ITPR2: variants seen among roughly 807,000 people sequenced by gnomAD.
The protein encoded by ITPR2 is inositol 1,4,5-trisphosphate receptor type 2.
Under a neutral mutation model 317.1 loss-of-function variants are expected in ITPR2, and 207 were observed. The ratio of observed to expected loss-of-function variants is 0.65; its 90% CI spans 0.58 to 0.73. The LOEUF (loss-of-function observed/expected upper bound fraction) is 0.73, where lower values mean the gene tolerates loss of function less well. Among genes scored for constraint, ITPR2 ranks in the 30% least tolerant of loss-of-function variants. The probability of loss-of-function intolerance (pLI) is 0.00; values close to 1 mark genes in which losing one functional copy is unlikely to be tolerated. For synonymous variants in ITPR2, 1,156 were observed against 1,149.1 expected (o/e 1.01, Z -0.12); for missense variants, 2,613 against 3,284.0 (o/e 0.80, Z 4.99).
At chr12:26,639,578 T>A (rs1436277340) in intron 21 of ITPR2, among the ~76,000 whole-genome samples, 1 of 151,736 alleles carries the variant, frequency 6.6e-6, no homozygotes, top group Non-Finnish European at 1.5e-5. Flanking sequence ...CAGTAACTCG[T>A]CATTTAACAT....
intron 51 of ITPR2, among the ~76,000 whole-genome samples, chr12:26,412,727 G>C (rs2136673664): frequency 6.6e-6 from 1 of 152,296 alleles, no homozygotes; most frequent in Non-Finnish European, 1.5e-5. Context: ...AGGAGTCATA[G>C]GACTTAGATT....
At chr12:26,784,413 C>T (rs1408372298) in intron 2 of ITPR2, among the ~76,000 whole-genome samples, 2 of 147,842 alleles carry the variant, frequency 1.4e-5, no homozygotes, top group Non-Finnish European at 3.0e-5. Context: ...CAAGGCTGGA[C>T]GGTGCTGCTG....
At chr12:26,813,549 G>A (rs561309063) in intron 1 of ITPR2, among the ~76,000 whole-genome samples, 10 of 152,164 alleles carry the variant, frequency 6.6e-5, no homozygotes, top group East Asian at 1.9e-4. Flanking sequence ...TTTAAATCTC[G>A]TAGCAGCATT....
At position 26,654,115 on chromosome 12, in the gene ITPR2, C is replaced by T; in HGVS notation, c.2601G>A (p.Leu867=). Residue 867 remains leucine (L), a synonymous_variant, in exon 21 of 57, where the codon TTG becomes TTA. Coordinates refer to ENST00000381340, the MANE Select transcript of ITPR2 (RefSeq NM_002223.4). ...KNKLTFEVVH[L]ARNLIYFGFY... ...ATCCAAAGTATATAAGATTCCGAGC[C>T]AAGTGGACCACCTTAATAAAAAAAA... 1.3e-6 allele frequency: 1 copy of T among 746,158 alleles called. No individual in the cohort carries two copies. 46.2% of individuals were successfully genotyped at this position (746,158 alleles called of 1,614,324 possible).
At chr12:26,379,126 T>C (rs975683765) in intron 55 of ITPR2, among the ~76,000 whole-genome samples, 2 of 152,224 alleles carry the variant, frequency 1.3e-5, no homozygotes, top group South Asian at 2.1e-4. Context: ...ATTATGGGCA[T>C]GGCATCCGTT....
intron 34 of ITPR2, among the ~76,000 whole-genome samples, chr12:26,571,964 A>G (rs1945172510): frequency 6.6e-6 from 1 of 152,232 alleles, no homozygotes; most frequent in African/African-American, 2.4e-5. Context: ...AATGTTATAT[A>G]AATATGACTA....
chr12:26,828,232 A>T (rs1357466238), intron 1 of ITPR2, among the ~76,000 whole-genome samples: 1 of 150,704 alleles, frequency 6.6e-6, no homozygotes, highest in Admixed American at 6.6e-5. Flanking sequence ...TTGAAGCAGA[A>T]AGTGTACAAA....
chr12:26,822,485 T>C (rs1229498899), intron 1 of ITPR2, among the ~76,000 whole-genome samples: 2 of 151,228 alleles, frequency 1.3e-5, no homozygotes, highest in East Asian at 4.0e-4. Context: ...ATTAAAATAG[T>C]TCTTAATAGT....
At chr12:26,666,610 A>G (rs967875543) in intron 13 of ITPR2, among the ~76,000 whole-genome samples, 5 of 152,240 alleles carry the variant, frequency 3.3e-5, no homozygotes, top group African/African-American at 1.2e-4. Flanking sequence ...TGCCCAATGT[A>G]CAGAACAGGA....
intron 26 of ITPR2, among the ~76,000 whole-genome samples, chr12:26,612,552 A>G (rs945535424): frequency 2.6e-5 from 4 of 152,192 alleles, no homozygotes; most frequent in African/African-American, 4.8e-5. Flanking sequence ...ATAAATTAGT[A>G]ACTTCACAGT....
chr12:26,474,315 A>T (rs1942360146), intron 45 of ITPR2, among the ~76,000 whole-genome samples: 1 of 152,240 alleles, frequency 6.6e-6, no homozygotes, highest in African/African-American at 2.4e-5. Context: ...TTCATTTTGT[A>T]AAAACAAAGG....
intron 32 of ITPR2, among the ~76,000 whole-genome samples, chr12:26,581,774 A>G (rs947207025): frequency 3.9e-5 from 6 of 152,192 alleles, no homozygotes; most frequent in African/African-American, 1.2e-4. Context: ...TCTTCCTAAC[A>G]CTGGCTTTAC....
chr12:26,797,425 C>T (rs552542525), intron 1 of ITPR2, among the ~76,000 whole-genome samples: 1 of 152,240 alleles, frequency 6.6e-6, no homozygotes, highest in Non-Finnish European at 1.5e-5. Context: ...TCTGATGAAG[C>T]CATAAATGCT....
intron 2 of ITPR2, among the ~76,000 whole-genome samples, chr12:26,758,491 C>G (rs6487572): frequency 0.4 from 60,509 of 152,072 alleles, 13,578 homozygotes; most frequent in Non-Finnish European, 0.53. Context: ...TTTCTCCATT[C>G]CATGGTCTTT....
intron 32 of ITPR2, among the ~76,000 whole-genome samples, chr12:26,590,763 G>A (rs185569014): frequency 2.8e-4 from 42 of 151,996 alleles, no homozygotes; most frequent in Non-Finnish European, 1.3e-4. Flanking sequence ...AAGCAAAAAC[G>A]GAAAAATGGG....
chr12:26,790,086 A>G (rs529248387), intron 2 of ITPR2, 71 bp downstream of exon 2: 2 of 969,488 alleles, frequency 2.1e-6, no homozygotes, highest in African/African-American at 1.6e-5. Context: ...TTTTAACATT[A>G]CTTACTTTGA....
chr12:26,594,569 T>C (rs1186556468), intron 32 of ITPR2, among the ~76,000 whole-genome samples: 1 of 152,156 alleles, frequency 6.6e-6, no homozygotes, highest in Non-Finnish European at 1.5e-5. Context: ...CACTCAGGAA[T>C]GTTGGAAGGC....
Position 26,654,023 on chromosome 12 carries a change from G to GA in ITPR2, c.2692_2693insT (p.Ala898ValfsTer8). 1 of 1,607,718 alleles carries GA rather than the reference G, an allele frequency of 6.2e-7. No individual in the cohort carries two copies. The highest frequency in any genetic ancestry group is 8.5e-7 in the Non-Finnish European group (1 of 1,176,620). On this transcript the variant is annotated frameshift_variant, in exon 21 of 57. Coordinates refer to ENST00000381340, the MANE Select transcript of ITPR2 (RefSeq NM_002223.4). LOFTEE classifies it high-confidence loss of function. ...TCTTTCAAAGTATGATGACATGGGG[G>GA]CCTGTACAATGTCTAAAATAGCCAG...
intron 52 of ITPR2, 164 bp downstream of exon 52, chr12:26,411,156 G>A: frequency 1.8e-6 from 1 of 570,892 alleles, no homozygotes; most frequent in Non-Finnish European, 3.1e-6. Flanking sequence ...ACCAATGTGG[G>A]AATCCTTTCT....
Sources: gnomAD v4.1 joint callset for allele counts (sites outside exome capture counted in the v4.1 genomes callset) on GRCh38, gnomAD v4.1.1 for gene constraint, MANE v1.5 for transcripts, NCBI Gene and HGNC (gene_info 2026-07-23, HGNC 2026-07-21) for gene names.